Variants in DEPDC5 observed in about 807,000 individuals in gnomAD.
DEPDC5 encodes DEP domain containing 5, GATOR1 subcomplex subunit, also known as GATOR1 complex protein DEPDC5.
In DEPDC5, 73 loss-of-function variants were observed where a neutral mutation model predicts 217.3. That is an observed-to-expected ratio of 0.34 (90% CI 0.28 to 0.41). The LOEUF (loss-of-function observed/expected upper bound fraction) is 0.41, where lower values mean the gene tolerates loss of function less well. Among genes scored for constraint, DEPDC5 ranks in the 10% least tolerant of loss-of-function variants. The pLI, the probability that DEPDC5 is intolerant of heterozygous loss-of-function variation, is 1.00. For missense variants in DEPDC5, 1,675 were observed against 2,070.1 expected (o/e 0.81, Z 3.70); for synonymous variants, 733 against 756.7 (o/e 0.97, Z 0.51).
chr22:31,783,645 G>T (rs980874954), intron 8 of DEPDC5, among the ~76,000 whole-genome samples: 5 of 152,018 alleles, frequency 3.3e-5, no homozygotes, highest in African/African-American at 1.2e-4. Flanking sequence ...TCCAGCCTTG[G>T]GTGGCAAGAG....
chr22:31,788,718 C>T (rs1190633436), intron 10 of DEPDC5, among the ~76,000 whole-genome samples: 2 of 151,736 alleles, frequency 1.3e-5, no homozygotes, highest in African/African-American at 2.4e-5. Context: ...AGATTACAGG[C>T]GCCCACCACC....
At chr22:31,841,780 G>C (rs113859735) in intron 27 of DEPDC5, among the ~76,000 whole-genome samples, 49 of 152,238 alleles carry the variant, frequency 3.2e-4, no homozygotes, top group Middle Eastern at 6.8e-3. Context: ...AGTAACCTCC[G>C]GTCCTTTTGT....
At chr22:31,764,336 A>G (rs923682578) in intron 4 of DEPDC5, among the ~76,000 whole-genome samples, 2 of 152,140 alleles carry the variant, frequency 1.3e-5, no homozygotes, top group African/African-American at 4.8e-5. Context: ...TTTACCACTG[A>G]TAACTTCATT....
At chr22:31,869,153 G>T (rs2092768070) in intron 33 of DEPDC5, among the ~76,000 whole-genome samples, 1 of 151,850 alleles carries the variant, frequency 6.6e-6, no homozygotes, top group Admixed American at 6.6e-5. Context: ...CAGGAGGATT[G>T]CTTGAGCCCA....
intron 24 of DEPDC5, among the ~76,000 whole-genome samples, chr22:31,824,271 G>A (rs1328757656): frequency 6.6e-6 from 1 of 152,170 alleles, no homozygotes; most frequent in African/African-American, 2.4e-5. Context: ...GCTTGAACCT[G>A]GGAGGCGGAG....
chr22:31,897,790 T>A, intron 40 of DEPDC5, 137 bp downstream of exon 40: 1 of 995,552 alleles, frequency 1.0e-6, no homozygotes, highest in Non-Finnish European at 1.4e-6. Flanking sequence ...AGGATCAAGG[T>A]TCTAAAGGAT....
At chr22:31,818,386 C>G (rs2089365829) in intron 21 of DEPDC5, among the ~76,000 whole-genome samples, 1 of 152,186 alleles carries the variant, frequency 6.6e-6, no homozygotes, top group South Asian at 2.1e-4. Flanking sequence ...TTCCTTCCAT[C>G]CTGGGATGCC....
At chr22:31,835,479 A>T (rs1473661846) in intron 25 of DEPDC5, among the ~76,000 whole-genome samples, 1 of 152,202 alleles carries the variant, frequency 6.6e-6, no homozygotes, top group Non-Finnish European at 1.5e-5. Context: ...GAGATCTCGA[A>T]CTAAGCATTT....
intron 36 of DEPDC5, 145 bp from the exon 37 acceptor site, chr22:31,876,012 A>G (rs1388165093): frequency 1.6e-6 from 1 of 625,308 alleles, no homozygotes; most frequent in Non-Finnish European, 2.8e-6. Flanking sequence ...TATAATTTAT[A>G]TCAAGTACAA....
intron 38 of DEPDC5, among the ~76,000 whole-genome samples, chr22:31,892,552 C>T (rs982206637): frequency 2.4e-4 from 37 of 152,226 alleles, no homozygotes; most frequent in African/African-American, 6.0e-4. Context: ...GGTGTGGTGG[C>T]GCATGCCTGT....
intron 18 of DEPDC5, among the ~76,000 whole-genome samples, chr22:31,808,051 A>T (rs2087765124): frequency 6.6e-6 from 1 of 152,182 alleles, no homozygotes; most frequent in South Asian, 2.1e-4. Flanking sequence ...TGCCTTCACC[A>T]CAAGCATTCT....
chr22:31,781,216 C>CAAAAAAAAA (rs1243159443), intron 8 of DEPDC5, among the ~76,000 whole-genome samples: 3,145 of 97,766 alleles, frequency 0.032, 46 homozygotes, highest in African/African-American at 0.054. Flanking sequence ...AACTCGGTCT[C>CAAAAAAAAA]AAAAACAAAC....
chr22:31,797,452 A>AGGAAACC, intron 12 of DEPDC5, 148 bp from the exon 13 acceptor site: 1 of 631,934 alleles, frequency 1.6e-6, no homozygotes, highest in South Asian at 1.8e-5. Flanking sequence ...AACAGCATGG[A>AGGAAACC]GGAAACCACC....
intron 8 of DEPDC5, among the ~76,000 whole-genome samples, chr22:31,780,668 C>T (rs2084336404): frequency 6.6e-6 from 1 of 152,160 alleles, no homozygotes; most frequent in African/African-American, 2.4e-5. Flanking sequence ...GGATTCCCTG[C>T]TTCTGGAGAG....
At chr22:31,756,976 T>C (rs1383498934) in intron 2 of DEPDC5, among the ~76,000 whole-genome samples, 3 of 150,962 alleles carry the variant, frequency 2.0e-5, no homozygotes, top group African/African-American at 7.3e-5. Context: ...ATTTATTAGG[T>C]GTATACCTGT....
intron 12 of DEPDC5, among the ~76,000 whole-genome samples, chr22:31,794,515 C>T (rs917391841): frequency 2.0e-5 from 3 of 152,018 alleles, no homozygotes; most frequent in Non-Finnish European, 2.9e-5. Flanking sequence ...AAAAAGTCAT[C>T]CTCAACGTTT....
intron 24 of DEPDC5, among the ~76,000 whole-genome samples, chr22:31,828,189 G>A (rs977251279): frequency 2.0e-5 from 3 of 152,128 alleles, no homozygotes; most frequent in Non-Finnish European, 2.9e-5. Flanking sequence ...AGTGGCTCAC[G>A]CCTGTAATCC....
At position 31,893,599 on chromosome 22, in the gene DEPDC5, C is replaced by A; in HGVS notation, c.4051C>A (p.Gln1351Lys). The A allele has an allele frequency of 6.2e-7, 1 of 1,610,328 alleles. No homozygotes were observed. Among genetic ancestry groups the A allele is most frequent in the Non-Finnish European group, 8.5e-7 (1 of 1,178,308 alleles). ...TGACATAGCTGCCACTGTCCCAGAGCAGAGGACTGTGACCCTGGATGTTGA... is the reference window on the plus strand; with the variant it reads ...TGACATAGCTGCCACTGTCCCAGAGAAGAGGACTGTGACCCTGGATGTTGA... ...AALLAATVPEQRTVTLDVDVN... is the reference protein window; with the variant it reads ...AALLAATVPEKRTVTLDVDVN... The change falls in exon 39 of 43, where the codon CAG (glutamine) becomes AAG (lysine). Residue 1351 changes from glutamine (Q) to lysine (K), a missense_variant. Gln to Lys is a moderately conservative substitution (Grantham distance 53). This residue lies in a region of DEPDC5 where 182 missense variants were observed against 290.1 expected (regional missense o/e 0.63). Transcript: ENST00000651528.
intron 27 of DEPDC5, among the ~76,000 whole-genome samples, chr22:31,839,050 C>G (rs1032559239): frequency 6.6e-6 from 1 of 152,142 alleles, no homozygotes; most frequent in Non-Finnish European, 1.5e-5. Flanking sequence ...ACAACTCTCC[C>G]TTTAAGGCAG....
Sources: gnomAD v4.1 joint callset for allele counts (sites outside exome capture counted in the v4.1 genomes callset) on GRCh38, gnomAD v4.1.1 for gene constraint, gnomAD v4.1.1 regional missense constraint, MANE v1.5 for transcripts, NCBI Gene and HGNC (gene_info 2026-07-23, HGNC 2026-07-21) for gene names.